The following PCGF5 variants were observed in gnomAD, a reference collection of about 807,000 sequenced individuals.
The protein encoded by PCGF5 is polycomb group RING finger protein 5.
Under a neutral mutation model 44.3 loss-of-function variants are expected in PCGF5, and 9 were observed. That is an observed-to-expected ratio of 0.20 (90% CI 0.12 to 0.35). PCGF5 has a LOEUF of 0.35. PCGF5 is among the 10% of genes least tolerant of loss of function. The pLI, the probability that PCGF5 is intolerant of heterozygous loss-of-function variation, is 1.00. For missense variants in PCGF5, 146 were observed against 305.3 expected (o/e 0.48, Z 3.89); for synonymous variants, 95 against 102.5 (o/e 0.93, Z 0.44).
chr10:91,229,835 T>G (rs1447494182), intron 2 of PCGF5, among the ~76,000 whole-genome samples: 9 of 152,114 alleles, frequency 5.9e-5, no homozygotes, highest in Non-Finnish European at 1.3e-4. Context: ...GAAATTATAT[T>G]TATCATCTCA....
chr10:91,259,399 A>G (rs1228109949), intron 6 of PCGF5, among the ~76,000 whole-genome samples: 3 of 152,176 alleles, frequency 2.0e-5, no homozygotes, highest in Non-Finnish European at 1.5e-5. Flanking sequence ...AAAAGCTGTG[A>G]TACCATGTTT....
chr10:91,238,626 T>TTTTTTTTTTC (rs1845241974), intron 2 of PCGF5, among the ~76,000 whole-genome samples: 1 of 133,498 alleles, frequency 7.5e-6, no homozygotes, highest in Non-Finnish European at 1.6e-5. Context: ...TTTTTTTTTT[T>TTTTTTTTTTC]TTTTTGCCTC....
intron 6 of PCGF5, among the ~76,000 whole-genome samples, chr10:91,259,456 C>A (rs1169044278): frequency 1.3e-5 from 2 of 152,038 alleles, no homozygotes; most frequent in East Asian, 3.8e-4. Flanking sequence ...ATAATCTTCA[C>A]AGAATTGGAA....
In PCGF5 at chr10:91,279,192, AT is replaced by A. The variant is rs369517487; in HGVS notation, c.*878del. On this transcript the variant is annotated 3_prime_UTR_variant, in exon 10 of 10. Coordinates refer to ENST00000336126, the MANE Select transcript of PCGF5 (RefSeq NM_032373.5). ...ATTGTTGCTGTTATTTAATGAGTGC[AT>A]TATTTCTCTTTTTAAGTTGGCCTTA... 6 of 152,246 alleles carry A rather than the reference AT, an allele frequency of 3.9e-5. No individual in the cohort carries two copies. The South Asian group carries it at 1.2e-3, about 32-fold the overall frequency. The allele number at this position is 152,246 out of a possible 1,614,324, so 9.4% of individuals were successfully genotyped here. A position where few individuals can be genotyped will look rare whatever the true frequency, so the allele number is the denominator to read the frequency against.
intron 2 of PCGF5, chr10:91,227,735 T>C: frequency 1.0e-6 from 1 of 1,002,958 alleles, no homozygotes; most frequent in Non-Finnish European, 1.2e-6. Flanking sequence ...TACTTAGTGG[T>C]GACTGGTTTC....
intron 8 of PCGF5, among the ~76,000 whole-genome samples, chr10:91,270,932 T>A (rs890104645): frequency 6.6e-6 from 1 of 152,144 alleles, no homozygotes; most frequent in East Asian, 1.9e-4. Flanking sequence ...ATGATTTTTT[T>A]AAATGTGAAT....
intron 2 of PCGF5, among the ~76,000 whole-genome samples, chr10:91,234,039 A>T (rs1845085401): frequency 6.6e-6 from 1 of 152,208 alleles, no homozygotes; most frequent in Admixed American, 6.5e-5. Context: ...TTGACATCAA[A>T]GCTGGGAAGC....
At chr10:91,275,098 G>A (rs767580143) in intron 9 of PCGF5, among the ~76,000 whole-genome samples, 26 of 151,944 alleles carry the variant, frequency 1.7e-4, no homozygotes, top group Non-Finnish European at 3.2e-4. Flanking sequence ...AAAAGCACAT[G>A]GCAAAAATAT....
chr10:91,186,561 T>G (rs913606629), intron 1 of PCGF5, among the ~76,000 whole-genome samples: 24 of 136,946 alleles, frequency 1.8e-4, no homozygotes, highest in African/African-American at 5.5e-4. Flanking sequence ...TATATATATG[T>G]GTGTGTGTGT....
intron 1 of PCGF5, among the ~76,000 whole-genome samples, chr10:91,175,043 T>C (rs766616440): frequency 2.6e-5 from 4 of 152,218 alleles, no homozygotes; most frequent in Non-Finnish European, 5.9e-5. Flanking sequence ...AAACAGTCAC[T>C]GTATCCCTAA....
chr10:91,217,183 G>A (rs929341640), upstream of PCGF5, among the ~76,000 whole-genome samples: 1 of 152,088 alleles, frequency 6.6e-6, no homozygotes, highest in Non-Finnish European at 1.5e-5. Context: ...ACAGGCACCT[G>A]CCACCACGCC....
intron 1 of PCGF5, among the ~76,000 whole-genome samples, chr10:91,163,845 G>T (rs1460281312): frequency 1.3e-5 from 2 of 151,516 alleles, no homozygotes; most frequent in South Asian, 2.1e-4. Context: ...GTGGTGGGGT[G>T]GGGGGGCACG....
chr10:91,247,754 G>T (rs978562429), intron 3 of PCGF5, among the ~76,000 whole-genome samples: 6 of 152,192 alleles, frequency 3.9e-5, no homozygotes, highest in African/African-American at 1.4e-4. Flanking sequence ...CAGAAGAGAG[G>T]AATGGAGATT....
At chr10:91,229,162 A>G (rs561284852) in intron 2 of PCGF5, among the ~76,000 whole-genome samples, 22 of 152,232 alleles carry the variant, frequency 1.4e-4, no homozygotes, top group Non-Finnish European at 2.9e-4. Flanking sequence ...AGGTGGTATT[A>G]TTTAAGCATC....
chr10:91,237,614 G>C (rs982545986), intron 2 of PCGF5, among the ~76,000 whole-genome samples: 1 of 152,002 alleles, frequency 6.6e-6, no homozygotes, highest in African/African-American at 2.4e-5. Flanking sequence ...CATGGTGATG[G>C]GCACCTGTAA....
At chr10:91,232,220 A>G (rs1338556808) in intron 2 of PCGF5, among the ~76,000 whole-genome samples, 2 of 152,224 alleles carry the variant, frequency 1.3e-5, no homozygotes, top group East Asian at 1.9e-4. Context: ...TTAGCAATGC[A>G]TAGGTCATGG....
chr10:91,172,904 C>T (rs983416697), intron 1 of PCGF5, among the ~76,000 whole-genome samples: 4 of 152,148 alleles, frequency 2.6e-5, no homozygotes, highest in African/African-American at 9.7e-5. Context: ...TTTTTGAACT[C>T]AGAACTTTGA....
intron 1 of PCGF5, among the ~76,000 whole-genome samples, chr10:91,169,695 A>T (rs1469626663): frequency 6.6e-6 from 1 of 152,250 alleles, no homozygotes; most frequent in Non-Finnish European, 1.5e-5. Flanking sequence ...TATTGTCAGG[A>T]CTTCCCAACT....
chr10:91,226,328 A>C (rs1241029956), intron 2 of PCGF5, among the ~76,000 whole-genome samples: 1 of 148,632 alleles, frequency 6.7e-6, no homozygotes, highest in Admixed American at 6.7e-5. Flanking sequence ...TGTTAAGTGC[A>C]ATGAGGAAGG....
Sources: gnomAD v4.1 joint callset for allele counts (sites outside exome capture counted in the v4.1 genomes callset) on GRCh38, gnomAD v4.1.1 for gene constraint, MANE v1.5 for transcripts, NCBI Gene and HGNC (gene_info 2026-07-23, HGNC 2026-07-21) for gene names.